Variants in COL11A1 observed in about 807,000 individuals in gnomAD.
COL11A1 encodes collagen type XI alpha 1 chain.
Under a neutral mutation model 265.2 loss-of-function variants are expected in COL11A1, and 74 were observed. The observed-to-expected ratio is 0.28, with a 90% CI of 0.23 to 0.34. COL11A1 has a LOEUF of 0.34. Among genes scored for constraint, COL11A1 ranks in the 10% least tolerant of loss-of-function variants. The pLI, the probability that COL11A1 is intolerant of heterozygous loss-of-function variation, is 1.00. For synonymous variants in COL11A1, 816 were observed against 727.6 expected, an observed-to-expected ratio of 1.12 and a Z score of -1.96; for missense variants, 2,165 against 2,263.6, an observed-to-expected ratio of 0.96 and a Z score of 0.88.
chr1:103,016,845 T>C (rs1196639774), intron 11 of COL11A1, among the ~76,000 whole-genome samples: 1 of 152,022 alleles, frequency 6.6e-6, no homozygotes, highest in Non-Finnish European at 1.5e-5. Context: ...CAAATCTAGC[T>C]TGAATGGTAT....
At chr1:102,968,810 C>A (rs1272811727) in intron 37 of COL11A1, among the ~76,000 whole-genome samples, 1 of 152,144 alleles carries the variant, frequency 6.6e-6, no homozygotes, top group Non-Finnish European at 1.5e-5. Context: ...TGTTTTTCTT[C>A]TATGTTTAAA....
chr1:103,045,399 C>A (rs1444515025), intron 4 of COL11A1, among the ~76,000 whole-genome samples: 3 of 151,992 alleles, frequency 2.0e-5, no homozygotes, highest in Non-Finnish European at 2.9e-5. Context: ...GCAGAAAGAT[C>A]AATTAAAGGC....
chr1:103,014,693 G>A, intron 12 of COL11A1, 99 bp from the exon 13 acceptor site: 1 of 962,432 alleles, frequency 1.0e-6, no homozygotes. Context: ...TTAAAATGGT[G>A]GGATTTTACA....
chr1:102,892,036 T>C (rs564813748), intron 57 of COL11A1, among the ~76,000 whole-genome samples: 1 of 152,092 alleles, frequency 6.6e-6, no homozygotes, highest in Non-Finnish European at 1.5e-5. Context: ...GTGAAACTGA[T>C]GCTAAAAAAA....
intron 46 of COL11A1, among the ~76,000 whole-genome samples, chr1:102,927,358 GA>G (rs1461393174): frequency 6.6e-6 from 1 of 152,034 alleles, no homozygotes; most frequent in Non-Finnish European, 1.5e-5. Flanking sequence ...GCAAGTGGAA[GA>G]AAAAAGCTCA....
At chr1:102,989,252 ATG>A (rs147165560) in intron 29 of COL11A1, among the ~76,000 whole-genome samples, 102 of 149,288 alleles carry the variant, frequency 6.8e-4, no homozygotes, top group Non-Finnish European at 8.1e-4. Flanking sequence ...GTGTGTGTGC[ATG>A]TGTGTGTGTG....
intron 44 of COL11A1, among the ~76,000 whole-genome samples, chr1:102,937,198 C>T (rs1278545128): frequency 6.6e-6 from 1 of 151,966 alleles, no homozygotes; most frequent in Non-Finnish European, 1.5e-5. Flanking sequence ...TAGACAAAAG[C>T]TTTTTGGGCT....
At position 102,886,946 on chromosome 1, in the gene COL11A1, C is replaced by T. The variant is rs3753842; in HGVS notation, c.4719G>A (p.Ser1573=). 7.9e-5 allele frequency: 127 copies of T among 1,613,790 alleles called. No individual in the cohort carries two copies. The East Asian group carries it at 1.9e-3, about 25-fold the overall frequency. Residue 1573 remains serine, a synonymous_variant, in exon 63 of 67, where the codon TCG becomes TCA. Transcript: ENST00000370096. ...ADADDNILDY[S]DGMEEIFGSL... ...AACCAAATATTTCTTCCATTCCATC[C>T]GAGTAATCAAGAATATTATCATCTG... is the stretch of plus-strand genomic sequence containing the variant.
intron 32 of COL11A1, 65 bp downstream of exon 32, chr1:102,979,317 A>G: frequency 7.4e-7 from 1 of 1,353,430 alleles, no homozygotes; most frequent in Non-Finnish European, 1.1e-6. Flanking sequence ...GAATACAGGC[A>G]CACACCACTA....
In COL11A1 at chr1:102,987,769, G is replaced by A. The variant is rs769069402; in HGVS notation, c.2395-29C>T. ...AGGCACAGAATAACAACATTCTTAT[G>A]AGTGAAACGTCCTTTACAAAAATTG... On this transcript the variant is annotated intron_variant, in intron 29 of 66. Transcript: ENST00000370096. 3.3e-6 allele frequency: 5 copies of A among 1,515,586 alleles called. No homozygotes were observed. In the Admixed American group the frequency reaches 8.4e-5, roughly 25 times the overall value. The allele number at this position is 1,515,586 out of a possible 1,614,324, so 93.9% of individuals were successfully genotyped here.
chr1:102,922,382 C>A (rs1656081220), intron 47 of COL11A1, among the ~76,000 whole-genome samples: 1 of 152,028 alleles, frequency 6.6e-6, no homozygotes, highest in Non-Finnish European at 1.5e-5. Context: ...AAGTATTAAC[C>A]AGTTATTTGA....
At chr1:103,056,728 G>A (rs1171686697) in intron 4 of COL11A1, among the ~76,000 whole-genome samples, 2 of 152,126 alleles carry the variant, frequency 1.3e-5, no homozygotes, top group African/African-American at 4.8e-5. Flanking sequence ...CGCATGTTCA[G>A]TTCCAGACCA....
At chr1:102,915,223 G>A (rs1257395825) in intron 50 of COL11A1, among the ~76,000 whole-genome samples, 2 of 152,168 alleles carry the variant, frequency 1.3e-5, no homozygotes, top group African/African-American at 2.4e-5. Flanking sequence ...GACCAAAAGT[G>A]TCTCCAGATA....
chr1:103,066,624 A>T (rs1468016413), intron 4 of COL11A1, among the ~76,000 whole-genome samples: 2 of 151,802 alleles, frequency 1.3e-5, no homozygotes, highest in Non-Finnish European at 1.5e-5. Flanking sequence ...AGTACAAAGA[A>T]AATACAAATA....
Position 103,066,489 on chromosome 1 carries a change from A to T in COL11A1, c.651+8129T>A, listed in dbSNP as rs78349366. On this transcript the variant is annotated intron_variant, in intron 4 of 66. Coordinates refer to ENST00000370096, the MANE Select transcript of COL11A1 (RefSeq NM_001854.4). ...TAAAAAGTATTTCTTAAATAAAAAA[A>T]TAGCAAAAATCCAATAAGTAAAACA... 6.0e-3 allele frequency among the ~76,000 whole-genome samples: 904 copies of T among 151,646 alleles called. 10 individuals are homozygous for T. The highest frequency in any genetic ancestry group is 0.021 in the African/African-American group (865 of 41,458).
At chr1:103,074,804 T>C (rs1271653390) in intron 3 of COL11A1, 24 bp from the exon 4 acceptor site, 7 of 1,612,324 alleles carry the variant, frequency 4.3e-6, no homozygotes, top group Non-Finnish European at 5.9e-6. Flanking sequence ...GTAATTCTTT[T>C]GTAAGCTTCA....
chr1:102,977,410 C>A (rs1191097721), intron 35 of COL11A1, among the ~76,000 whole-genome samples: 2 of 152,096 alleles, frequency 1.3e-5, no homozygotes, highest in African/African-American at 4.8e-5. Flanking sequence ...CCAAGAGGTA[C>A]TTGTCTCACT....
At chr1:102,944,662 C>A (rs146732785) in intron 42 of COL11A1, among the ~76,000 whole-genome samples, 12 of 152,162 alleles carry the variant, frequency 7.9e-5, no homozygotes, top group African/African-American at 2.9e-4. Flanking sequence ...TTTTGATATT[C>A]TGATCTTTAT....
intron 37 of COL11A1, among the ~76,000 whole-genome samples, chr1:102,969,909 G>A (rs1197369685): frequency 1.3e-5 from 2 of 152,130 alleles, no homozygotes; most frequent in Non-Finnish European, 2.9e-5. Flanking sequence ...AGTGAAAAGA[G>A]TGAGAGGGAA....
Sources: allele counts gnomAD v4.1 joint callset (sites outside exome capture counted in the v4.1 genomes callset), GRCh38; gene constraint gnomAD v4.1.1; transcripts MANE v1.5; gene names NCBI Gene and HGNC (gene_info 2026-07-23, HGNC 2026-07-21).